The following PTPRT variants were observed in gnomAD, a reference collection of about 807,000 sequenced individuals.
PTPRT encodes receptor-type tyrosine-protein phosphatase T.
PTPRT carries 56 observed loss-of-function variants against 176.8 expected under a neutral mutation model. That is an observed-to-expected ratio of 0.32 (90% CI 0.26 to 0.40). PTPRT has a LOEUF of 0.40. Ranked by LOEUF, PTPRT falls within the 10% of genes least tolerant of loss-of-function variation. PTPRT has a pLI of 1.00. For missense variants in PTPRT, 1,540 were observed against 1,908.2 expected, an observed-to-expected ratio of 0.81 and a Z score of 3.60; for synonymous variants, 783 against 739.0, an observed-to-expected ratio of 1.06 and a Z score of -0.96.
At chr20:42,780,358 G>A in intron 3 of PTPRT, 59 bp from the exon 4 acceptor site, 2 of 1,341,900 alleles carry the variant, frequency 1.5e-6, no homozygotes, top group Non-Finnish European at 2.1e-6. Context: ...TTCATCACAA[G>A]AAGCTGCCCG....
the PTPRT span, among the ~76,000 whole-genome samples, chr20:42,043,294 C>T: frequency 2.0e-5 from 3 of 152,332 alleles, no homozygotes; most frequent in Admixed American, 6.5e-5. Flanking sequence ...CTGCCCTAGA[C>T]TGTAAGTTCC....
intron 7 of PTPRT, among the ~76,000 whole-genome samples, chr20:42,634,080 A>C (rs1329319818): frequency 2.3e-5 from 1 of 42,846 alleles, no homozygotes; most frequent in Non-Finnish European, 4.0e-5. Context: ...TATATAATAT[A>C]TATATAATAT....
chr20:43,020,735 T>C (rs1486006199), intron 1 of PTPRT, among the ~76,000 whole-genome samples: 1 of 152,018 alleles, frequency 6.6e-6, no homozygotes, highest in South Asian at 2.1e-4. Context: ...TGTTTTGAGG[T>C]TTTCAAGGCC....
chr20:42,184,655 T>A (rs934004971), intron 16 of PTPRT, among the ~76,000 whole-genome samples: 2 of 148,514 alleles, frequency 1.3e-5, no homozygotes, highest in African/African-American at 5.0e-5. Context: ...CTCGATAGAG[T>A]TTCACTCTGT....
In PTPRT at chr20:42,078,181, C is replaced by T. The variant is rs1445112070; in HGVS notation, c.*2698G>A. The stretch of plus-strand genomic sequence containing the variant: ...CATCAAAGGAAAAGAGCAAGTTCAT[C>T]GTGGGGTTCCTTTGCTTGCCTTTGC... On this transcript the variant is annotated 3_prime_UTR_variant, in exon 31 of 31. Transcript: ENST00000373187. 1.0e-5 allele frequency: 2 copies of T among 192,680 alleles called. No homozygotes were observed. The highest frequency in any genetic ancestry group is 8.2e-5 in the East Asian group (1 of 12,220). The allele number at this position is 192,680 out of a possible 1,614,324, so 11.9% of individuals were successfully genotyped here.
intron 7 of PTPRT, among the ~76,000 whole-genome samples, chr20:42,523,726 T>G (rs1402401808): frequency 6.6e-6 from 1 of 152,232 alleles, no homozygotes; most frequent in Non-Finnish European, 1.5e-5. Context: ...TTCTATATTT[T>G]TACTTCATGT....
rs369430281 is a variant in PTPRT at position 42,115,219 on chromosome 20, G to A, written c.3079C>T (p.Arg1027Cys). The A allele has an allele frequency of 8.1e-6, 13 of 1,613,802 alleles. No individual in the cohort carries two copies. Among genetic ancestry groups the A allele is most frequent in the East Asian group, 4.5e-5 (2 of 44,872 alleles). ...CTTACCTTCTGGACTGTGAAGGTGC[G>A]TATGACGTATTCTGCCAGGGGCTCT... Reference protein sequence around the residue: ...ETEPLAEYVIRTFTVQKKGYH... With the variant: ...ETEPLAEYVICTFTVQKKGYH... Residue 1027 changes from arginine (R) to cysteine (C), a missense_variant, in exon 22 of 31, where the codon CGC (arginine) becomes TGC (cysteine). Around this residue, in one of 11 missense-constraint regions of PTPRT, gnomAD observed 248 missense variants for 356.7 expected, o/e 0.70. Transcript: ENST00000373187.
At chr20:42,323,041 A>G (rs1371270154) in intron 11 of PTPRT, among the ~76,000 whole-genome samples, 1 of 151,978 alleles carries the variant, frequency 6.6e-6, no homozygotes, top group African/African-American at 2.4e-5. Flanking sequence ...AGAGAAATGC[A>G]AATCAAAACC....
At chr20:42,421,376 G>C (rs1200616894) in intron 9 of PTPRT, among the ~76,000 whole-genome samples, 2 of 152,104 alleles carry the variant, frequency 1.3e-5, no homozygotes, top group East Asian at 3.9e-4. Context: ...CTGTGAATGT[G>C]ACCTTATTTG....
chr20:42,877,091 T>TTAAAAAATAG lies in PTPRT; in HGVS notation c.214+8715_214+8716insCTATTTTTTA, dbSNP rs537983769. Among the ~76,000 whole-genome samples the TTAAAAAATAG allele has an allele frequency of 2.0e-4, 31 of 152,324 alleles. 2 individuals are homozygous for TTAAAAAATAG. In the South Asian group the frequency reaches 6.4e-3, roughly 32 times the overall value. Reference sequence around the variant, plus strand: ...ACTATCTTTTAAAAAATACGAAGTTTCTGGAATATTGAGAAGCTCATAATG... The same window carrying TTAAAAAATAG: ...ACTATCTTTTAAAAAATACGAAGTTTTAAAAAATAGCTGGAATATTGAGAAGCTCATAATG... On this transcript the variant is annotated intron_variant, in intron 2 of 30. Transcript: ENST00000373187.
intron 12 of PTPRT, among the ~76,000 whole-genome samples, chr20:42,285,807 AC>A (rs1191402505): frequency 6.6e-6 from 1 of 151,758 alleles, no homozygotes; most frequent in African/African-American, 2.4e-5. Flanking sequence ...TACCAAAAAA[AC>A]ACTCCTAGAA....
chr20:42,295,691 C>A (rs1302656118), intron 12 of PTPRT, among the ~76,000 whole-genome samples: 1 of 151,968 alleles, frequency 6.6e-6, no homozygotes, highest in Non-Finnish European at 1.5e-5. Flanking sequence ...AGTATTAGGT[C>A]ATTTATTGTT....
rs867628783 is a variant in PTPRT at position 42,733,341 on chromosome 20, A to G, written c.859+23121T>C. Reference sequence around the variant, plus strand: ...AACACGGGCTCATTTATACAAGCAAACAGATCAGAACACATTACAGGAAGG... The same window carrying G: ...AACACGGGCTCATTTATACAAGCAAGCAGATCAGAACACATTACAGGAAGG... On this transcript the variant is annotated intron_variant, in intron 6 of 30. Coordinates refer to ENST00000373187, the MANE Select transcript of PTPRT (RefSeq NM_007050.6). Among the ~76,000 whole-genome samples the G allele has an allele frequency of 5.3e-5, 8 of 152,316 alleles. No individual in the cohort carries two copies. The East Asian group carries it at 1.5e-3, about 29-fold the overall frequency.
intron 7 of PTPRT, among the ~76,000 whole-genome samples, chr20:42,648,242 A>C (rs1049539549): frequency 2.0e-5 from 3 of 151,856 alleles, no homozygotes; most frequent in African/African-American, 7.3e-5. Flanking sequence ...CCATCACTTC[A>C]ATCAAGGGGT....
At chr20:42,610,389 T>TG (rs1258388749) in intron 7 of PTPRT, among the ~76,000 whole-genome samples, 5 of 149,276 alleles carry the variant, frequency 3.3e-5, no homozygotes, top group African/African-American at 1.0e-4. Flanking sequence ...GTTTTTTTTT[T>TG]TTGTTTTTTT....
intron 1 of PTPRT, among the ~76,000 whole-genome samples, chr20:42,943,841 C>T (rs1489238335): frequency 6.6e-6 from 1 of 151,874 alleles, no homozygotes; most frequent in Admixed American, 6.6e-5. Context: ...ATAGCAACAC[C>T]CTGTCTCTAC....
At chr20:42,866,228 T>G (rs770866792) in intron 2 of PTPRT, among the ~76,000 whole-genome samples, 2 of 152,226 alleles carry the variant, frequency 1.3e-5, no homozygotes, top group Non-Finnish European at 2.9e-5. Context: ...AACCCAGTAT[T>G]GTGGGCACAG....
In PTPRT at chr20:42,863,174, C is replaced by T. The variant is rs140233116; in HGVS notation, c.214+22633G>A. On this transcript the variant is annotated intron_variant, in intron 2 of 30. Coordinates refer to ENST00000373187, the MANE Select transcript of PTPRT (RefSeq NM_007050.6). ...TCCCGTGCTCTCCTCATGATGACAC[C>T]TGGCAGTGCCTGAGCTCTAGCAAAG... Among the ~76,000 whole-genome samples, 411 of 152,318 alleles carry T rather than the reference C, an allele frequency of 2.7e-3. 3 individuals are homozygous for T. The highest frequency in any genetic ancestry group is 4.0e-3 in the Non-Finnish European group (269 of 68,042).
At chr20:42,543,932 A>T (rs1200792670) in intron 7 of PTPRT, among the ~76,000 whole-genome samples, 1 of 152,166 alleles carries the variant, frequency 6.6e-6, no homozygotes, top group African/African-American at 2.4e-5. Flanking sequence ...GTGGGCTTAA[A>T]ATCTTCAGTA....
Sources: allele counts gnomAD v4.1 joint callset (sites outside exome capture counted in the v4.1 genomes callset), GRCh38; gene constraint gnomAD v4.1.1; regional missense constraint gnomAD v4.1.1; transcripts MANE v1.5; gene names NCBI Gene and HGNC (gene_info 2026-07-23, HGNC 2026-07-21).